TOM1L1: variants seen among roughly 807,000 people sequenced by gnomAD.
TOM1L1 encodes TOM1-like protein 1.
In TOM1L1, 64 loss-of-function variants were observed where a neutral mutation model predicts 63.4. The observed-to-expected ratio is 1.01, with a 90% confidence interval of 0.83 to 1.24. TOM1L1 has a LOEUF of 1.24. Ranked by LOEUF, TOM1L1 falls within the 50% of genes most tolerant of loss-of-function variation. The pLI is 0.00. For missense variants in TOM1L1, 536 were observed against 567.0 expected, an observed-to-expected ratio of 0.95 and a Z score of 0.55; for synonymous variants, 166 against 194.4, an observed-to-expected ratio of 0.85 and a Z score of 1.22.
chr17:54,960,484 A>T, intron 14 of TOM1L1, 82 bp from the exon 15 acceptor site: 1 of 997,812 alleles, frequency 1.0e-6, no homozygotes, highest in Non-Finnish European at 1.6e-6. Context: ...CTCAATTTTT[A>T]ATTACAGTGC....
At chr17:54,948,228 C>T (rs1351707100) in intron 12 of TOM1L1, among the ~76,000 whole-genome samples, 2 of 152,196 alleles carry the variant, frequency 1.3e-5, no homozygotes, top group South Asian at 2.1e-4. Flanking sequence ...CCTCCCTTCG[C>T]ATCCCTCCCA....
intron 2 of TOM1L1, among the ~76,000 whole-genome samples, chr17:54,904,504 A>G (rs1322820082): frequency 6.6e-6 from 1 of 152,088 alleles, no homozygotes; most frequent in Non-Finnish European, 1.5e-5. Flanking sequence ...GTGGTGACCT[A>G]TTTCTGAGCA....
Position 54,905,532 on chromosome 17 carries a change from A to T in TOM1L1, c.187A>T (p.Asn63Tyr). The T allele has an allele frequency of 6.2e-7, 1 of 1,612,152 alleles. No homozygotes were observed. The highest frequency in any genetic ancestry group is 8.5e-7 in the Non-Finnish European group (1 of 1,178,828). The change falls in exon 3 of 16, where the codon AAC becomes TAC. Residue 63 changes from asparagine (N) to tyrosine (Y), a missense_variant. Physicochemically the swap from Asn to Tyr is moderately radical, Grantham distance 143. Transcript: ENST00000575882. ...VKALKKRISKNYNHKEIQLTL... is the reference protein window; with the variant it reads ...VKALKKRISKYYNHKEIQLTL... ...AGCTTTGAAGAAAAGGATTTCCAAA[A>T]ACTACAATCATAAAGAAATCCAACT...
chr17:54,912,351 A>C (rs2048510300), intron 3 of TOM1L1, among the ~76,000 whole-genome samples: 2 of 152,176 alleles, frequency 1.3e-5, no homozygotes, highest in Non-Finnish European at 2.9e-5. Context: ...TGGGACAGAT[A>C]TTATTCCATC....
rs762534676 is a variant in TOM1L1, at chr17:54,937,150, C to A, written c.957C>A (p.Asp319Glu). The change falls in exon 10 of 16, where the codon GAC becomes GAA. Residue 319 changes from aspartate to glutamate, a missense_variant. By Grantham distance (45) the Asp-to-Glu change is conservative (BLOSUM62 2). Transcript: ENST00000575882. ...CTGCCCCATCTCAAGATCTCCTCGACCTAAGTCCCAGTCCCCGGATGCCTA... is the reference window on the plus strand; with the variant it reads ...CTGCCCCATCTCAAGATCTCCTCGAACTAAGTCCCAGTCCCCGGATGCCTA... ...EPSAPSQDLL[D>E]LSPSPRMPRA... The A allele has an allele frequency of 1.2e-6, 2 of 1,613,510 alleles. No individual in the cohort carries two copies. The highest frequency in any genetic ancestry group is 2.2e-5 in the East Asian group (1 of 44,856).
intron 7 of TOM1L1, among the ~76,000 whole-genome samples, chr17:54,929,741 G>GTTTTTTTTTTTT (rs61518775): frequency 7.0e-6 from 1 of 142,014 alleles, no homozygotes; most frequent in Non-Finnish European, 1.5e-5. Flanking sequence ...AAAAACATGT[G>GTTTTTTTTTTTT]TTTTTTTTTT....
chr17:54,945,356 T>TG (rs1190521107), intron 11 of TOM1L1, among the ~76,000 whole-genome samples: 3 of 152,300 alleles, frequency 2.0e-5, no homozygotes, highest in South Asian at 4.1e-4. Context: ...GCATAGCATT[T>TG]GGGGGGCCAC....
intron 14 of TOM1L1, among the ~76,000 whole-genome samples, chr17:54,956,469 C>T (rs1294264144): frequency 6.6e-6 from 1 of 152,032 alleles, no homozygotes; most frequent in Non-Finnish European, 1.5e-5. Flanking sequence ...CCACGCCTGG[C>T]TAATTTTTTT....
Position 54,914,695 on chromosome 17 carries a change from T to C in TOM1L1, c.555T>C (p.Ser185=), listed in dbSNP as rs2048557886. 6.2e-7 allele frequency: 1 copy of C among 1,614,066 alleles called. No individual in the cohort carries two copies. Among genetic ancestry groups the C allele is most frequent in the Non-Finnish European group, 8.5e-7 (1 of 1,179,924 alleles). ...CTGTCCCTACTGCACCAGCTCTTTC[T>C]TCTGTAATTGCTCCAAAGAACTCGA... is the stretch of plus-strand genomic sequence containing the variant. ...PTSVPTAPAL[S]SVIAPKNSTV... Residue 185 remains serine (S), a synonymous_variant, in exon 6 of 16, where the codon TCT becomes TCC. Transcript: ENST00000575882.
chr17:54,932,766 C>T (rs1039818521), intron 8 of TOM1L1, among the ~76,000 whole-genome samples: 8 of 152,202 alleles, frequency 5.3e-5, no homozygotes, highest in African/African-American at 1.9e-4. Context: ...AATTGTTACT[C>T]TTGTTTTCTG....
At chr17:54,923,207 T>A (rs2143822474) in intron 7 of TOM1L1, among the ~76,000 whole-genome samples, 1 of 152,272 alleles carries the variant, frequency 6.6e-6, no homozygotes. Context: ...CACATACAGG[T>A]TTTTCTTTGA....
intron 3 of TOM1L1, among the ~76,000 whole-genome samples, chr17:54,911,622 A>G (rs2048498789): frequency 1.3e-5 from 2 of 152,114 alleles, no homozygotes; most frequent in African/African-American, 2.4e-5. Flanking sequence ...CTGTCATTCA[A>G]AGTTCTTCCT....
intron 10 of TOM1L1, 114 bp downstream of exon 10, chr17:54,937,340 A>G (rs1279449701): frequency 1.2e-6 from 1 of 854,718 alleles, no homozygotes; most frequent in Middle Eastern, 3.0e-4. Context: ...GTTGAATGTC[A>G]GAGCGCTATG....
chr17:54,947,499 G>A lies in TOM1L1; in HGVS notation c.1182+187G>A, dbSNP rs1000276328. On this transcript the variant is annotated intron_variant, in intron 12 of 15. Coordinates refer to ENST00000575882, the MANE Select transcript of TOM1L1 (RefSeq NM_005486.3). The stretch of plus-strand genomic sequence containing the variant: ...TTTGCTATCTCCACTTCCTTTCCTT[G>A]TATTCTCTTTGACTTCAGACATGCT... 4 of 627,530 alleles carry A rather than the reference G, an allele frequency of 6.4e-6. No individual in the cohort carries two copies. The South Asian group carries it at 7.7e-5, about 12-fold the overall frequency. The allele number at this position is 627,530 out of a possible 1,614,324, so 38.9% of individuals were successfully genotyped here. A position where few individuals can be genotyped will look rare whatever the true frequency, so the allele number is the denominator to read the frequency against.
chr17:54,943,542 C>T (rs920918202), intron 11 of TOM1L1, among the ~76,000 whole-genome samples: 1 of 146,322 alleles, frequency 6.8e-6, no homozygotes, highest in Non-Finnish European at 1.5e-5. Flanking sequence ...TGTTATTTTG[C>T]TAATTTTGTT....
intron 15 of TOM1L1, 58 bp from the exon 16 acceptor site, chr17:54,961,177 G>C: frequency 8.6e-7 from 1 of 1,162,226 alleles, no homozygotes; most frequent in Non-Finnish European, 1.3e-6. Context: ...GAGTTATCAA[G>C]GAATGGGGAA....
At chr17:54,934,803 C>T (rs1321676595) in intron 8 of TOM1L1, among the ~76,000 whole-genome samples, 3 of 151,974 alleles carry the variant, frequency 2.0e-5, no homozygotes, top group Non-Finnish European at 2.9e-5. Flanking sequence ...CTGCAACCTC[C>T]GCCTCCCAGG....
At chr17:54,935,077 T>C (rs528492419) in intron 8 of TOM1L1, among the ~76,000 whole-genome samples, 42 of 152,162 alleles carry the variant, frequency 2.8e-4, no homozygotes, top group Non-Finnish European at 5.4e-4. Context: ...GTGTGCAGAT[T>C]CTGTCACGCG....
At chr17:54,921,439 G>C (rs1366298571) in intron 7 of TOM1L1, among the ~76,000 whole-genome samples, 2 of 152,084 alleles carry the variant, frequency 1.3e-5, no homozygotes, top group African/African-American at 4.8e-5. Flanking sequence ...ACAATTAAGT[G>C]GCATTTATAT....
Sources: allele counts gnomAD v4.1 joint callset (sites outside exome capture counted in the v4.1 genomes callset), GRCh38; gene constraint gnomAD v4.1.1; transcripts MANE v1.5; gene names NCBI Gene and HGNC (gene_info 2026-07-23, HGNC 2026-07-21).